Variants in NWD1 observed in about 807,000 individuals in gnomAD.
The protein encoded by NWD1 is NACHT domain- and WD repeat-containing protein 1.
A neutral mutation model predicts 135.1 loss-of-function variants in NWD1; 129 were observed. That is an observed-to-expected ratio of 0.96 (90% CI 0.83 to 1.11). The LOEUF (loss-of-function observed/expected upper bound fraction) is 1.11. NWD1 is among the 50% of genes least tolerant of loss of function. The pLI, the probability that NWD1 is intolerant of heterozygous loss-of-function variation, is 0.00. For synonymous variants in NWD1, 773 were observed against 786.0 expected, an observed-to-expected ratio of 0.98 and a Z score of 0.28; for missense variants, 1,740 against 1,851.3, an observed-to-expected ratio of 0.94 and a Z score of 1.10.
chr19:16,789,698 T>C (rs1970174460), intron 13 of NWD1, among the ~76,000 whole-genome samples: 1 of 150,856 alleles, frequency 6.6e-6, no homozygotes, highest in African/African-American at 2.4e-5. Flanking sequence ...TTTTATAGTC[T>C]CTCTCTCTCC....
intron 11 of NWD1, among the ~76,000 whole-genome samples, chr19:16,775,407 T>C (rs1320846555): frequency 6.7e-6 from 1 of 148,822 alleles, no homozygotes; most frequent in South Asian, 2.1e-4. Flanking sequence ...CTTTAGGGTG[T>C]CTGGGACCCA....
At chr19:16,779,299 A>C (rs1969770463) in intron 11 of NWD1, 44 bp from the exon 12 acceptor site, 5 of 1,611,832 alleles carry the variant, frequency 3.1e-6, no homozygotes, top group Non-Finnish European at 4.2e-6. Flanking sequence ...GAATACTTGG[A>C]CACAGGAACT....
chr19:16,789,716 CTTTTT>C (rs11383216), intron 13 of NWD1, among the ~76,000 whole-genome samples: 1 of 119,574 alleles, frequency 8.4e-6, no homozygotes, highest in Admixed American at 9.1e-5. Flanking sequence ...TCCTCTCTCT[CTTTTT>C]TTTTTTTTTT....
intron 18 of NWD1, among the ~76,000 whole-genome samples, chr19:16,810,070 A>T (rs1970877703): frequency 6.6e-6 from 1 of 152,056 alleles, no homozygotes; most frequent in South Asian, 2.1e-4. Flanking sequence ...TTGCTCACTG[A>T]AGTTTCCCTT....
At chr19:16,724,560 G>C (rs1967253150) in intron 2 of NWD1, 97 bp downstream of exon 2, 1 of 152,186 alleles carries the variant, frequency 6.6e-6, no homozygotes, top group South Asian at 2.1e-4. Context: ...AATAATGTCA[G>C]ATCATGGCTG....
chr19:16,746,755 A>T (rs1378054460), intron 5 of NWD1, among the ~76,000 whole-genome samples: 1 of 152,188 alleles, frequency 6.6e-6, no homozygotes, highest in East Asian at 1.9e-4. Flanking sequence ...CTGTTTTCTT[A>T]CAATCAAGTA....
At chr19:16,793,346 G>A (rs1455352032) in intron 14 of NWD1, among the ~76,000 whole-genome samples, 2 of 151,862 alleles carry the variant, frequency 1.3e-5, no homozygotes, top group East Asian at 2.0e-4. Context: ...ACGTCCTCTC[G>A]CCTCAGCCTC....
At chr19:16,750,628 T>TTTTTTA (rs1009436283) in intron 6 of NWD1, among the ~76,000 whole-genome samples, 1 of 151,038 alleles carries the variant, frequency 6.6e-6, no homozygotes, top group East Asian at 1.9e-4. Context: ...AAAATATAAT[T>TTTTTTA]TTTTTATTTT....
chr19:16,808,162 A>G (rs755132934), intron 18 of NWD1, 26 bp downstream of exon 18: 1 of 1,603,034 alleles, frequency 6.2e-7, no homozygotes. Context: ...CCCCATGTTC[A>G]TGCTAGACCC....
intron 2 of NWD1, among the ~76,000 whole-genome samples, chr19:16,727,887 C>T (rs908763016): frequency 2.0e-5 from 3 of 152,000 alleles, no homozygotes; most frequent in Non-Finnish European, 4.4e-5. Flanking sequence ...ATGGCGAAAC[C>T]CTGTCTCTAC....
At chr19:16,742,236 G>T (rs368145504) in intron 4 of NWD1, among the ~76,000 whole-genome samples, 2 of 151,964 alleles carry the variant, frequency 1.3e-5, no homozygotes, top group Non-Finnish European at 2.9e-5. Flanking sequence ...TTAGCCAGGC[G>T]TGGTGGCTCA....
intron 5 of NWD1, chr19:16,745,132 T>C (rs1968254490): frequency 4.4e-6 from 2 of 457,006 alleles, no homozygotes; most frequent in South Asian, 1.6e-5. Context: ...AAGAGGCACA[T>C]CTTACATGGT....
intron 18 of NWD1, among the ~76,000 whole-genome samples, chr19:16,813,785 C>T (rs1372763071): frequency 6.6e-6 from 1 of 151,822 alleles, no homozygotes; most frequent in Non-Finnish European, 1.5e-5. Flanking sequence ...CCAGAAGCAG[C>T]CTGTTTTAAG....
chr19:16,773,080 G>A, intron 10 of NWD1, 46 bp from the exon 11 acceptor site: 3 of 1,546,518 alleles, frequency 1.9e-6, no homozygotes, highest in Non-Finnish European at 2.7e-6. Context: ...AGGGAGGGTA[G>A]AGGGGGCTCA....
At chr19:16,771,641 C>T (rs1370456926) in intron 10 of NWD1, among the ~76,000 whole-genome samples, 1 of 152,160 alleles carries the variant, frequency 6.6e-6, no homozygotes, top group Non-Finnish European at 1.5e-5. Flanking sequence ...CCAGATCTCT[C>T]AGCAAGTTCC....
chr19:16,784,734 T>G (rs973958600), intron 12 of NWD1, among the ~76,000 whole-genome samples: 1 of 151,652 alleles, frequency 6.6e-6, no homozygotes, highest in Non-Finnish European at 1.5e-5. Context: ...ATCGAGACCA[T>G]CCTGGCCAAC....
intron 2 of NWD1, among the ~76,000 whole-genome samples, chr19:16,730,155 C>G (rs952379891): frequency 7.2e-5 from 11 of 151,940 alleles, no homozygotes; most frequent in African/African-American, 2.4e-4. Flanking sequence ...AACCCCATCT[C>G]TACTAAAACA....
At chr19:16,741,919 TG>T (rs1968101386) in intron 4 of NWD1, among the ~76,000 whole-genome samples, 1 of 151,408 alleles carries the variant, frequency 6.6e-6, no homozygotes, top group Non-Finnish European at 1.5e-5. Flanking sequence ...GAGACCAGTC[TG>T]GCCAACATGG....
chr19:16,757,068 T>G (rs1398713398), intron 6 of NWD1, among the ~76,000 whole-genome samples: 1 of 151,578 alleles, frequency 6.6e-6, no homozygotes, highest in Admixed American at 6.6e-5. Context: ...TGATGGGGAG[T>G]TGTAGAATTA....
Sources: gnomAD v4.1 joint callset for allele counts (sites outside exome capture counted in the v4.1 genomes callset) on GRCh38, gnomAD v4.1.1 for gene constraint, MANE v1.5 for transcripts, NCBI Gene and HGNC (gene_info 2026-07-23, HGNC 2026-07-21) for gene names.